FRMD5: variants seen among roughly 807,000 people sequenced by gnomAD.
FRMD5 encodes FERM domain-containing protein 5.
A neutral mutation model predicts 69.0 loss-of-function variants in FRMD5; 20 were observed. The observed-to-expected ratio is 0.29, with a 90% CI of 0.20 to 0.42. The LOEUF (loss-of-function observed/expected upper bound fraction) is 0.42, where lower values mean the gene tolerates loss of function less well. Ranked by LOEUF, FRMD5 falls within the 10% of genes least tolerant of loss-of-function variation. The probability of loss-of-function intolerance (pLI) is 1.00; values close to 1 mark genes in which losing one functional copy is unlikely to be tolerated. For synonymous variants in FRMD5, 271 were observed against 260.1 expected (o/e 1.04, Z -0.40); for missense variants, 595 against 708.6 (o/e 0.84, Z 1.82).
intron 1 of FRMD5, among the ~76,000 whole-genome samples, chr15:44,156,584 T>G (rs1179353393): frequency 6.6e-6 from 1 of 152,244 alleles, no homozygotes; most frequent in Non-Finnish European, 1.5e-5. Context: ...TTCACACATT[T>G]GACTTTTTTA....
At chr15:44,087,918 G>A (rs1403454528) in intron 1 of FRMD5, among the ~76,000 whole-genome samples, 2 of 152,166 alleles carry the variant, frequency 1.3e-5, no homozygotes, top group Admixed American at 1.3e-4. Flanking sequence ...CTGAGTTGAA[G>A]TAAAACTACT....
chr15:44,178,806 A>G (rs2077945578), intron 1 of FRMD5, among the ~76,000 whole-genome samples: 1 of 152,206 alleles, frequency 6.6e-6, no homozygotes, highest in Non-Finnish European at 1.5e-5. Flanking sequence ...CAGCCTGACC[A>G]ACATGGTAAA....
At chr15:43,897,529 C>T (rs369270193) in intron 7 of FRMD5, among the ~76,000 whole-genome samples, 104 of 146,658 alleles carry the variant, frequency 7.1e-4, no homozygotes, top group African/African-American at 2.3e-3. Flanking sequence ...AGGGGCAACT[C>T]GTCAAGATGG....
intron 1 of FRMD5, among the ~76,000 whole-genome samples, chr15:44,138,712 T>C (rs2077222711): frequency 6.6e-6 from 1 of 152,168 alleles, no homozygotes; most frequent in Admixed American, 6.6e-5. Flanking sequence ...CAGAAACTGA[T>C]AAAATTTATT....
chr15:43,952,004 G>T (rs867958835), intron 1 of FRMD5, among the ~76,000 whole-genome samples: 1 of 116,496 alleles, frequency 8.6e-6, no homozygotes, highest in Non-Finnish European at 1.8e-5. Context: ...GTGTGTCTGT[G>T]TGTGTGTGTG....
intron 1 of FRMD5, among the ~76,000 whole-genome samples, chr15:44,034,895 T>A (rs1891841046): frequency 6.6e-6 from 1 of 152,154 alleles, no homozygotes; most frequent in Non-Finnish European, 1.5e-5. Flanking sequence ...AGGTTAGAGA[T>A]CTCTCCAACC....
At chr15:43,972,246 C>T (rs2090392106) in intron 1 of FRMD5, among the ~76,000 whole-genome samples, 1 of 151,894 alleles carries the variant, frequency 6.6e-6, no homozygotes, top group Non-Finnish European at 1.5e-5. Context: ...TCTCTTATCC[C>T]CTCCTGCAGC....
chr15:43,996,550 G>A lies in FRMD5; in HGVS notation c.103-72241C>T, dbSNP rs548944011. On this transcript the variant is annotated intron_variant, in intron 1 of 13. Coordinates refer to ENST00000417257, the MANE Select transcript of FRMD5 (RefSeq NM_032892.5). ...CTAGTTCTTGTGAAGGTATTTTCATGCATGGATAGTTGTTTACATTGATAT... is the reference window on the plus strand; with the variant it reads ...CTAGTTCTTGTGAAGGTATTTTCATACATGGATAGTTGTTTACATTGATAT... Among the ~76,000 whole-genome samples, 5 of 152,162 alleles carry A rather than the reference G, an allele frequency of 3.3e-5. No homozygotes were observed. The East Asian group carries it at 9.7e-4, about 29-fold the overall frequency.
At chr15:44,186,772 T>C (rs2078109078) in intron 1 of FRMD5, among the ~76,000 whole-genome samples, 1 of 152,258 alleles carries the variant, frequency 6.6e-6, no homozygotes, top group South Asian at 2.1e-4. Context: ...CAAAATAACC[T>C]ATTAGCATTG....
Position 43,873,779 on chromosome 15 carries a change from G to A in FRMD5, c.*106C>T, listed in dbSNP as rs1292642409. 3.0e-5 allele frequency: 46 copies of A among 1,538,816 alleles called. No homozygotes were observed. The highest frequency in any genetic ancestry group is 3.9e-5 in the Non-Finnish European group (45 of 1,145,528). ...CAGTGGACTTTGAGTCATGAGAGGA[G>A]GACTTGGTATATGTGCCGATGGTTC... On this transcript the variant is annotated 3_prime_UTR_variant, in exon 14 of 14. Coordinates refer to ENST00000417257, the MANE Select transcript of FRMD5 (RefSeq NM_032892.5).
chr15:43,922,122 G>A (rs1382967550), intron 2 of FRMD5, among the ~76,000 whole-genome samples: 1 of 152,044 alleles, frequency 6.6e-6, no homozygotes, highest in African/African-American at 2.4e-5. Flanking sequence ...AACCCCTCCC[G>A]CAAGGCACAG....
chr15:44,186,595 T>TA (rs941718457), intron 1 of FRMD5, among the ~76,000 whole-genome samples: 1 of 152,218 alleles, frequency 6.6e-6, no homozygotes, highest in African/African-American at 2.4e-5. Context: ...TACCACTATT[T>TA]ATTTCAGGTC....
At chr15:43,977,398 T>C (rs1446762009) in intron 1 of FRMD5, among the ~76,000 whole-genome samples, 1 of 152,118 alleles carries the variant, frequency 6.6e-6, no homozygotes, top group Non-Finnish European at 1.5e-5. Context: ...CATTTAGGAA[T>C]AGGGATGTAG....
intron 1 of FRMD5, among the ~76,000 whole-genome samples, chr15:43,956,835 G>A (rs920837528): frequency 6.6e-6 from 1 of 152,190 alleles, no homozygotes; most frequent in South Asian, 2.1e-4. Flanking sequence ...TTGATAGCTG[G>A]CCATTGGTTA....
chr15:43,962,142 A>T (rs143288663), intron 1 of FRMD5, among the ~76,000 whole-genome samples: 1 of 152,216 alleles, frequency 6.6e-6, no homozygotes, highest in African/African-American at 2.4e-5. Flanking sequence ...ACATGATTGT[A>T]TATCTACAAA....
chr15:43,918,072 T>C (rs1164902936), intron 4 of FRMD5, among the ~76,000 whole-genome samples: 8 of 152,236 alleles, frequency 5.3e-5, no homozygotes, highest in Admixed American at 5.2e-4. Flanking sequence ...CATTTCCTGA[T>C]TTCCTCTCTT....
chr15:43,917,261 G>A (rs1382649433), intron 4 of FRMD5, among the ~76,000 whole-genome samples: 1 of 152,200 alleles, frequency 6.6e-6, no homozygotes, highest in East Asian at 1.9e-4. Flanking sequence ...TATGTAGACA[G>A]GAGTACCAAC....
At chr15:44,001,552 C>A (rs1274575256) in intron 1 of FRMD5, among the ~76,000 whole-genome samples, 1 of 150,672 alleles carries the variant, frequency 6.6e-6, no homozygotes, top group Non-Finnish European at 1.5e-5. Context: ...ATGTTTAAAT[C>A]TTTAATCCAT....
intron 6 of FRMD5, among the ~76,000 whole-genome samples, chr15:43,903,934 G>A (rs1272351711): frequency 6.6e-6 from 1 of 152,162 alleles, no homozygotes; most frequent in Non-Finnish European, 1.5e-5. Context: ...AACACCACAG[G>A]CCCGTGTTTA....
Sources: allele counts gnomAD v4.1 joint callset (sites outside exome capture counted in the v4.1 genomes callset), GRCh38; gene constraint gnomAD v4.1.1; transcripts MANE v1.5; gene names NCBI Gene and HGNC (gene_info 2026-07-23, HGNC 2026-07-21).